Variants in LAMB4 observed in about 807,000 individuals in gnomAD.
LAMB4 encodes the protein laminin subunit beta 4, also known as laminin subunit beta-4.
A neutral mutation model predicts 199.2 loss-of-function variants in LAMB4; 196 were observed. The observed-to-expected ratio is 0.98, with a 90% CI of 0.88 to 1.11. The LOEUF (loss-of-function observed/expected upper bound fraction) is 1.11, where lower values mean the gene tolerates loss of function less well. LAMB4 is among the 50% of genes least tolerant of loss of function. The pLI, the probability that LAMB4 is intolerant of heterozygous loss-of-function variation, is 0.00. For missense variants in LAMB4, 2,080 were observed against 2,171.2 expected, an observed-to-expected ratio of 0.96 and a Z score of 0.83; for synonymous variants, 744 against 770.6, an observed-to-expected ratio of 0.97 and a Z score of 0.57.
At chr7:108,100,093 ATT>A (rs1328028690) in intron 10 of LAMB4, among the ~76,000 whole-genome samples, 1 of 152,224 alleles carries the variant, frequency 6.6e-6, no homozygotes, top group East Asian at 1.9e-4. Context: ...CCAGAGAATA[ATT>A]TAATTATGCA....
chr7:108,116,629 C>G (rs1234875938), intron 2 of LAMB4, among the ~76,000 whole-genome samples: 1 of 152,140 alleles, frequency 6.6e-6, no homozygotes, highest in South Asian at 2.1e-4. Context: ...ATTTATTTCA[C>G]CATGGAAGGC....
intron 2 of LAMB4, among the ~76,000 whole-genome samples, chr7:108,118,875 A>G (rs1052312130): frequency 6.6e-6 from 1 of 152,246 alleles, no homozygotes; most frequent in African/African-American, 2.4e-5. Context: ...GTAAGAGAAA[A>G]TACTTGCAAA....
At chr7:108,112,448 C>T (rs1481752307) in intron 3 of LAMB4, among the ~76,000 whole-genome samples, 1 of 151,828 alleles carries the variant, frequency 6.6e-6, no homozygotes, top group Non-Finnish European at 1.5e-5. Context: ...TGCACCACCA[C>T]ACCCGGCTAT....
chr7:108,030,593 G>T (rs1012116095), intron 32 of LAMB4, among the ~76,000 whole-genome samples: 2 of 152,174 alleles, frequency 1.3e-5, no homozygotes, highest in African/African-American at 4.8e-5. Context: ...AGAGATGGGG[G>T]AGGAAACACT....
At chr7:108,027,538 G>A (rs1454019050) in intron 33 of LAMB4, among the ~76,000 whole-genome samples, 1 of 152,106 alleles carries the variant, frequency 6.6e-6, no homozygotes, top group Non-Finnish European at 1.5e-5. Flanking sequence ...AGACTCATTT[G>A]ATAATAAAAA....
In LAMB4 at chr7:108,113,668, G is replaced by A. The variant is rs1185431504; in HGVS notation, c.193-1722C>T. ...GAGAAAATGTTTAACTTCAGGGCTT[G>A]TGGACCATTTTTTGGTTAACATTTT... On this transcript the variant is annotated intron_variant, in intron 3 of 33. Transcript: ENST00000388781. Among the ~76,000 whole-genome samples, 3 of 152,312 alleles carry A rather than the reference G, an allele frequency of 2.0e-5. No individual in the cohort carries two copies. The East Asian group carries it at 5.8e-4, about 29-fold the overall frequency.
chr7:108,077,212 G>A (rs1409998200), intron 16 of LAMB4, 148 bp from the exon 17 acceptor site: 1 of 713,088 alleles, frequency 1.4e-6, no homozygotes, highest in Non-Finnish European at 2.3e-6. Flanking sequence ...GACCAGCACA[G>A]GTGGGTTGGT....
intron 30 of LAMB4, among the ~76,000 whole-genome samples, chr7:108,036,380 G>T (rs570696316): frequency 6.6e-6 from 1 of 151,816 alleles, no homozygotes; most frequent in Non-Finnish European, 1.5e-5. Flanking sequence ...GAAAGACAGC[G>T]TTTCTCCCTG....
At position 108,047,232 on chromosome 7, in the gene LAMB4, A is replaced by G. The variant is rs189129761; in HGVS notation, c.4326+676T>C. Among the ~76,000 whole-genome samples, 61 of 152,244 alleles carry G rather than the reference A, an allele frequency of 4.0e-4. No homozygotes were observed. In the East Asian group the frequency reaches 8.9e-3, roughly 22 times the overall value. ...TTGACTTTTGAATGACACAGGTTGG[A>G]ACTGCACACGCCCACTTATATACAA... On this transcript the variant is annotated intron_variant, in intron 28 of 33. Transcript: ENST00000388781.
At chr7:108,069,590 T>C (rs918008450) in intron 18 of LAMB4, 118 bp downstream of exon 18, 5 of 846,240 alleles carry the variant, frequency 5.9e-6, no homozygotes, top group African/African-American at 5.0e-5. Context: ...TATCTAATCA[T>C]TGAGTGATGG....
chr7:108,125,450 AG>A (rs1451056757), intron 1 of LAMB4, among the ~76,000 whole-genome samples: 2 of 152,254 alleles, frequency 1.3e-5, no homozygotes, highest in African/African-American at 4.8e-5. Context: ...AAAGTTTGAA[AG>A]TATGATTCTC....
At chr7:108,037,099 A>G (rs1275517191) in intron 30 of LAMB4, among the ~76,000 whole-genome samples, 1 of 152,100 alleles carries the variant, frequency 6.6e-6, no homozygotes, top group Non-Finnish European at 1.5e-5. Context: ...GTATTGGCAT[A>G]TAATGAGTAT....
chr7:108,086,405 G>A (rs1472585326), intron 14 of LAMB4, among the ~76,000 whole-genome samples: 1 of 151,906 alleles, frequency 6.6e-6, no homozygotes, highest in African/African-American at 2.4e-5. Context: ...CTGCTTCCAG[G>A]AACCCAATCT....
rs955799710 is a variant in LAMB4 at position 108,043,010 on chromosome 7, T to G, written c.4471+742A>C. ...ACAGAGAGTAAGGTTTCAGGTCAAT[T>G]TCCAGCTTCAGTACTTGATTTTTTT... On this transcript the variant is annotated intron_variant, in intron 29 of 33. Coordinates refer to ENST00000388781, the MANE Select transcript of LAMB4 (RefSeq NM_007356.3). Among the ~76,000 whole-genome samples, 19 of 148,024 alleles carry G rather than the reference T, an allele frequency of 1.3e-4. 1 individual carries two copies. Among genetic ancestry groups the G allele is most frequent in the African/African-American group, 4.8e-4 (19 of 39,946 alleles).
intron 33 of LAMB4, among the ~76,000 whole-genome samples, chr7:108,027,885 C>T (rs539363632): frequency 3.3e-5 from 5 of 152,238 alleles, no homozygotes; most frequent in African/African-American, 9.6e-5. Flanking sequence ...TGGGTTCAAG[C>T]GATTCTCCTG....
In LAMB4 at chr7:108,109,059, G is replaced by T. The variant is rs1473581375; in HGVS notation, c.402+112C>A. On this transcript the variant is annotated intron_variant, in intron 5 of 33. Coordinates refer to ENST00000388781, the MANE Select transcript of LAMB4 (RefSeq NM_007356.3). ...AGCTCAGGTGGCAAAGGTCAAGTCT[G>T]AACTTATTCTGTTTTTGTTCACTGC... 3.1e-5 allele frequency: 25 copies of T among 794,632 alleles called. No individual in the cohort carries two copies. In the Admixed American group the frequency reaches 4.3e-4, roughly 14 times the overall value. 49.2% of individuals were successfully genotyped at this position (794,632 alleles called of 1,614,324 possible).
At chr7:108,126,554 C>CCTT (rs780962576) in intron 1 of LAMB4, among the ~76,000 whole-genome samples, 1 of 83,532 alleles carries the variant, frequency 1.2e-5, no homozygotes, top group African/African-American at 5.0e-5. Context: ...GAATTTCTTT[C>CCTT]TTTTTTTTTT....
At chr7:108,128,144 T>C (rs1452000790) in intron 1 of LAMB4, among the ~76,000 whole-genome samples, 2 of 152,076 alleles carry the variant, frequency 1.3e-5, no homozygotes, top group Non-Finnish European at 2.9e-5. Context: ...GGGAGGGTGC[T>C]CAGTGAAAAT....
At position 108,056,094 on chromosome 7, in the gene LAMB4, G is replaced by A. The variant is rs1273800406; in HGVS notation, c.3380-87C>T. ...AGAATCAGGTCTTTTCCTCTCTCCT[G>A]AAAATCTTCCCAACTCACACTTCTA... On this transcript the variant is annotated intron_variant, in intron 24 of 33. Coordinates refer to ENST00000388781, the MANE Select transcript of LAMB4 (RefSeq NM_007356.3). 2.4e-6 allele frequency: 3 copies of A among 1,273,506 alleles called. No individual in the cohort carries two copies. The Admixed American group carries it at 7.0e-5, about 30-fold the overall frequency. The allele number at this position is 1,273,506 out of a possible 1,614,324, so 78.9% of individuals were successfully genotyped here. A position where few individuals can be genotyped will look rare whatever the true frequency, so the allele number is the denominator to read the frequency against.
Sources: gnomAD v4.1 joint callset for allele counts (sites outside exome capture counted in the v4.1 genomes callset) on GRCh38, gnomAD v4.1.1 for gene constraint, MANE v1.5 for transcripts, NCBI Gene and HGNC (gene_info 2026-07-23, HGNC 2026-07-21) for gene names.